SAXO1: variants seen among roughly 807,000 people sequenced by gnomAD.
SAXO1 encodes the protein stabilizer of axonemal microtubules 1, also known as 4930500O09Rik.
Under a neutral mutation model 17.5 loss-of-function variants are expected in SAXO1, and 21 were observed. The ratio of observed to expected loss-of-function variants is 1.20; its 90% confidence interval spans 0.85 to 1.72. The LOEUF is 1.72. SAXO1 is among the 40% of genes most tolerant of loss of function. The pLI is 0.00. For missense variants in SAXO1, 843 were observed against 596.0 expected (o/e 1.41, Z -4.32); for synonymous variants, 274 against 216.5 (o/e 1.27, Z -2.33).
At chr9:18,997,169 T>C (rs912493600) in intron 1 of SAXO1, among the ~76,000 whole-genome samples, 1 of 152,200 alleles carries the variant, frequency 6.6e-6, no homozygotes, top group South Asian at 2.1e-4. Flanking sequence ...AACAAGGGGT[T>C]GGGGGATTTC....
intron 1 of SAXO1, among the ~76,000 whole-genome samples, chr9:19,032,434 A>G (rs548112320): frequency 1.3e-5 from 2 of 152,338 alleles, no homozygotes; most frequent in Admixed American, 6.5e-5. Flanking sequence ...AGTTTTACTA[A>G]TACCTTATAC....
chr9:19,013,850 A>G (rs1202186584), intron 1 of SAXO1, among the ~76,000 whole-genome samples: 2 of 152,004 alleles, frequency 1.3e-5, no homozygotes, highest in Non-Finnish European at 2.9e-5. Context: ...CCCAGCCCAG[A>G]TATTTAAAAC....
At chr9:18,936,795 A>G (rs1274638632) in intron 3 of SAXO1, among the ~76,000 whole-genome samples, 2 of 152,224 alleles carry the variant, frequency 1.3e-5, no homozygotes, top group Non-Finnish European at 2.9e-5. Flanking sequence ...TCAAGTAATT[A>G]CACTCTCAAT....
At chr9:19,002,667 G>C (rs974387439) in intron 1 of SAXO1, among the ~76,000 whole-genome samples, 2 of 152,174 alleles carry the variant, frequency 1.3e-5, no homozygotes, top group South Asian at 2.1e-4. Flanking sequence ...AATAGATGCA[G>C]AAAAGGCCTT....
chr9:18,936,978 C>CA, intron 3 of SAXO1, among the ~76,000 whole-genome samples: 1 of 152,174 alleles, frequency 6.6e-6, no homozygotes, highest in Middle Eastern at 3.2e-3. Flanking sequence ...AGCATATAGA[C>CA]AAAATCTAGA....
intron 3 of SAXO1, among the ~76,000 whole-genome samples, chr9:18,929,994 G>C (rs1401349399): frequency 1.3e-5 from 2 of 152,286 alleles, no homozygotes; most frequent in East Asian, 3.9e-4. Flanking sequence ...CCATTCTACA[G>C]ATTTCTAAAT....
chr9:18,994,662 C>T (rs1833936543), intron 1 of SAXO1, among the ~76,000 whole-genome samples: 1 of 152,250 alleles, frequency 6.6e-6, no homozygotes, highest in African/African-American at 2.4e-5. Flanking sequence ...AGCAGGAGCA[C>T]TCTGCTCGGG....
Position 18,989,579 on chromosome 9 carries a change from CA to C in SAXO1, c.39-38643del, listed in dbSNP as rs1358402025. On this transcript the variant is annotated intron_variant, in intron 1 of 3. Transcript: ENST00000380534. ...ATGCACACACACACACACACACACA[CA>C]CCCATCTCGTGATACTTCATTCTTC... 1.7e-3 allele frequency among the ~76,000 whole-genome samples: 256 copies of C among 152,126 alleles called. 1 individual carries two copies. The highest frequency in any genetic ancestry group is 5.4e-3 in the African/African-American group (225 of 41,520).
chr9:18,975,779 C>G (rs756926413), intron 1 of SAXO1, among the ~76,000 whole-genome samples: 1 of 152,142 alleles, frequency 6.6e-6, no homozygotes, highest in African/African-American at 2.4e-5. Context: ...GGAGTGAGCA[C>G]GTAAAACATT....
At chr9:18,936,482 G>A (rs561972608) in intron 3 of SAXO1, among the ~76,000 whole-genome samples, 4 of 152,206 alleles carry the variant, frequency 2.6e-5, no homozygotes, top group African/African-American at 4.8e-5. Flanking sequence ...CTTCTGTGAT[G>A]GATGAAGTGT....
intron 1 of SAXO1, among the ~76,000 whole-genome samples, chr9:19,001,792 A>G (rs1454920718): frequency 6.6e-6 from 1 of 152,220 alleles, no homozygotes; most frequent in Admixed American, 6.5e-5. Context: ...AAGAGAAAGC[A>G]TGAAAGATCT....
chr9:18,965,125 T>C (rs927989801), intron 1 of SAXO1, among the ~76,000 whole-genome samples: 1 of 152,208 alleles, frequency 6.6e-6, no homozygotes, highest in African/African-American at 2.4e-5. Flanking sequence ...GAGACACTGT[T>C]TGTTATGATT....
intron 1 of SAXO1, among the ~76,000 whole-genome samples, chr9:19,001,962 T>C (rs1417203138): frequency 1.3e-5 from 2 of 152,024 alleles, no homozygotes; most frequent in African/African-American, 4.8e-5. Flanking sequence ...CAGGAGCTGG[T>C]TTTTTGGAAA....
intron 3 of SAXO1, 131 bp downstream of exon 3, chr9:18,941,506 G>T: frequency 1.0e-6 from 1 of 965,362 alleles, no homozygotes. Flanking sequence ...CAGGCTGCTG[G>T]CCAGATCTGG....
At chr9:19,031,277 G>A (rs1393027079) in intron 1 of SAXO1, among the ~76,000 whole-genome samples, 1 of 152,200 alleles carries the variant, frequency 6.6e-6, no homozygotes, top group Non-Finnish European at 1.5e-5. Context: ...CATCCCAGTA[G>A]AAAGAAGGCC....
At chr9:18,986,081 C>A (rs1307746894) in intron 1 of SAXO1, among the ~76,000 whole-genome samples, 2 of 152,166 alleles carry the variant, frequency 1.3e-5, no homozygotes, top group East Asian at 3.8e-4. Flanking sequence ...TAGCAGAGAT[C>A]CTTAACTCAA....
intron 1 of SAXO1, among the ~76,000 whole-genome samples, chr9:19,030,549 T>C (rs1178303202): frequency 2.6e-5 from 4 of 151,850 alleles, no homozygotes; most frequent in African/African-American, 9.7e-5. Context: ...CTACTAAAAA[T>C]GCAAAAATTA....
intron 1 of SAXO1, among the ~76,000 whole-genome samples, chr9:19,046,282 AAT>A (rs1178006208): frequency 2.0e-5 from 3 of 152,160 alleles, no homozygotes; most frequent in Non-Finnish European, 2.9e-5. Context: ...GGAAATTAAA[AAT>A]ATGATATTAA....
chr9:19,022,017 T>A (rs1362527821), intron 1 of SAXO1, among the ~76,000 whole-genome samples: 1 of 152,246 alleles, frequency 6.6e-6, no homozygotes, highest in East Asian at 1.9e-4. Flanking sequence ...GAAGCTTTGT[T>A]CTTTTGCTCT....
Sources: gnomAD v4.1 joint callset for allele counts (sites outside exome capture counted in the v4.1 genomes callset) on GRCh38, gnomAD v4.1.1 for gene constraint, MANE v1.5 for transcripts, NCBI Gene and HGNC (gene_info 2026-07-23, HGNC 2026-07-21) for gene names.